Variants in DPP6 observed in about 807,000 individuals in gnomAD.
DPP6 encodes A-type potassium channel modulatory protein DPP6.
DPP6 carries 69 observed loss-of-function variants against 122.6 expected under a neutral mutation model. That is an observed-to-expected ratio of 0.56 (90% CI 0.46 to 0.69). The LOEUF is 0.69. Among genes scored for constraint, DPP6 ranks in the 30% least tolerant of loss-of-function variants. The pLI is 0.00. For missense variants in DPP6, 928 were observed against 1,116.9 expected, an observed-to-expected ratio of 0.83 and a Z score of 2.41; for synonymous variants, 418 against 433.1, an observed-to-expected ratio of 0.97 and a Z score of 0.43.
intron 1 of DPP6, among the ~76,000 whole-genome samples, chr7:154,309,685 C>A (rs1806688154): frequency 6.6e-6 from 1 of 151,982 alleles, no homozygotes; most frequent in East Asian, 1.9e-4. Flanking sequence ...CAATGTGAGA[C>A]ATCCGTATTT....
intron 16 of DPP6, among the ~76,000 whole-genome samples, chr7:154,813,368 C>T (rs1474991065): frequency 6.6e-6 from 1 of 152,096 alleles, no homozygotes; most frequent in Non-Finnish European, 1.5e-5. Flanking sequence ...CAGGCATGAG[C>T]CACCGTGCCT....
rs1366829894 is a variant in DPP6, at chr7:154,372,861, GT to G, written c.244-73352del. On this transcript the variant is annotated intron_variant, in intron 1 of 25. Coordinates refer to ENST00000377770, the MANE Select transcript of DPP6 (RefSeq NM_130797.4). ...CATCCTGGGAATGCATGACACATAG[GT>G]GTGCTTGGTTACAGACCAGCTTCCC... Among the ~76,000 whole-genome samples, 7 of 152,174 alleles carry G rather than the reference GT, an allele frequency of 4.6e-5. No individual in the cohort carries two copies. In the East Asian group the frequency reaches 1.2e-3, roughly 25 times the overall value.
At chr7:154,304,511 AG>A (rs1341042335) in intron 1 of DPP6, among the ~76,000 whole-genome samples, 2 of 151,798 alleles carry the variant, frequency 1.3e-5, no homozygotes, top group Non-Finnish European at 2.9e-5. Flanking sequence ...CCTTGAGCTC[AG>A]GACACAGTGG....
In DPP6 at chr7:153,976,245, G is replaced by A. The variant is rs377399169; in HGVS notation, c.51+88511G>A. Among the ~76,000 whole-genome samples the A allele has an allele frequency of 6.0e-4, 91 of 152,236 alleles. No individual in the cohort carries two copies. The East Asian group carries it at 0.015, about 26-fold the overall frequency. On this transcript the variant is annotated intron_variant, in intron 1 of 25. Transcript: ENST00000404039. ...AGAGATACAGGGGAGAGTGTAGAAT[G>A]TGAGGGAACCAGCAAACCCAGTGTT...
chr7:153,772,397 T>C, the DPP6 span, among the ~76,000 whole-genome samples: 1 of 152,172 alleles, frequency 6.6e-6, no homozygotes, highest in Non-Finnish European at 1.5e-5. Flanking sequence ...AGAATAATGT[T>C]ATTTAAAGTT....
intron 3 of DPP6, among the ~76,000 whole-genome samples, chr7:154,510,938 A>G (rs1320612602): frequency 1.0e-3 from 1 of 976 alleles, no homozygotes; most frequent in Non-Finnish European, 2.6e-3. Flanking sequence ...ACACACATGC[A>G]CACACACACA....
At chr7:154,065,337 C>G (rs553229443) in intron 1 of DPP6, among the ~76,000 whole-genome samples, 2 of 130,830 alleles carry the variant, frequency 1.5e-5, no homozygotes, top group Non-Finnish European at 3.2e-5. Context: ...GGACACCTCC[C>G]ATCACTCTTT....
chr7:153,929,328 G>T (rs954835701), intron 1 of DPP6, among the ~76,000 whole-genome samples: 11 of 152,174 alleles, frequency 7.2e-5, no homozygotes, highest in African/African-American at 2.4e-4. Flanking sequence ...ATGAGACCAA[G>T]ATCTGGGCCT....
At chr7:154,729,900 G>C (rs139834582) in intron 8 of DPP6, among the ~76,000 whole-genome samples, 58 of 152,342 alleles carry the variant, frequency 3.8e-4, no homozygotes, top group Non-Finnish European at 6.8e-4. Flanking sequence ...GACACAGTCT[G>C]CTGTAGTTAT....
intron 1 of DPP6, among the ~76,000 whole-genome samples, chr7:154,046,097 G>C (rs1280014783): frequency 2.6e-5 from 4 of 152,312 alleles, no homozygotes; most frequent in Non-Finnish European, 4.4e-5. Context: ...CACTGGGCTC[G>C]GCTAAGAGAC....
chr7:154,736,233 C>T (rs1024233283), intron 8 of DPP6, among the ~76,000 whole-genome samples: 1 of 152,162 alleles, frequency 6.6e-6, no homozygotes, highest in African/African-American at 2.4e-5. Context: ...CTGAAATGGA[C>T]GTTAGCAGAC....
the DPP6 span, among the ~76,000 whole-genome samples, chr7:153,828,196 G>A: frequency 2.6e-4 from 40 of 152,304 alleles, no homozygotes; most frequent in East Asian, 6.6e-3. Flanking sequence ...TGCAGTGTCC[G>A]AGAGGGCCTG....
chr7:154,823,743 G>A (rs1027336084), intron 16 of DPP6, among the ~76,000 whole-genome samples: 3 of 152,122 alleles, frequency 2.0e-5, no homozygotes, highest in African/African-American at 4.8e-5. Context: ...TTTTGGACTC[G>A]ATGGACTAAG....
At chr7:154,689,984 T>A (rs1398612249) in intron 7 of DPP6, among the ~76,000 whole-genome samples, 3 of 152,176 alleles carry the variant, frequency 2.0e-5, no homozygotes, top group African/African-American at 7.2e-5. Flanking sequence ...CAGGAATACA[T>A]CTTTCGCATG....
intron 1 of DPP6, among the ~76,000 whole-genome samples, chr7:154,312,682 G>C (rs568865965): frequency 3.3e-5 from 5 of 152,182 alleles, no homozygotes; most frequent in Non-Finnish European, 5.9e-5. Context: ...ACACCGTGGT[G>C]ATGGCGGGGC....
At position 154,879,858 on chromosome 7, in the gene DPP6, C is replaced by T. The variant is rs1047274125; in HGVS notation, c.2079-1030C>T. Among the ~76,000 whole-genome samples, 9 of 152,264 alleles carry T rather than the reference C, an allele frequency of 5.9e-5. No individual in the cohort carries two copies. The South Asian group carries it at 6.2e-4, about 11-fold the overall frequency. On this transcript the variant is annotated intron_variant, in intron 20 of 25. Transcript: ENST00000377770. ...TTAAAATACTGTGTAAACAGGGCCC[C>T]TACACCACTGCCTTAAGAGGCACTG...
intron 1 of DPP6, among the ~76,000 whole-genome samples, chr7:154,021,311 T>C (rs1239994482): frequency 1.3e-5 from 2 of 152,134 alleles, no homozygotes; most frequent in Non-Finnish European, 2.9e-5. Flanking sequence ...AGTCACAAAA[T>C]GGGCCTGAGA....
intron 20 of DPP6, 121 bp downstream of exon 20, chr7:154,876,221 C>T (rs956276161): frequency 1.5e-6 from 2 of 1,354,466 alleles, no homozygotes; most frequent in South Asian, 2.0e-5. Context: ...ATGCAATTTG[C>T]TCTTACCTAA....
chr7:153,881,684 G>T, the DPP6 span, among the ~76,000 whole-genome samples: 1 of 152,048 alleles, frequency 6.6e-6, no homozygotes, highest in South Asian at 2.1e-4. Flanking sequence ...TCTCACTGCT[G>T]GTCTCCACAT....
Sources: allele counts gnomAD v4.1 joint callset (sites outside exome capture counted in the v4.1 genomes callset), GRCh38; gene constraint gnomAD v4.1.1; transcripts MANE v1.5; gene names NCBI Gene and HGNC (gene_info 2026-07-23, HGNC 2026-07-21).